GCNT2: variants seen among roughly 807,000 people sequenced by gnomAD.
GCNT2 encodes glucosaminyl (N-acetyl) transferase 2 (I blood group), also known as N-acetyllactosaminide beta-1,6-N-acetylglucosaminyl-transferase.
A neutral mutation model predicts 34.2 loss-of-function variants in GCNT2; 34 were observed. The observed-to-expected ratio is 1.00, with a 90% CI of 0.76 to 1.32. The LOEUF is 1.32. GCNT2 is among the 40% of genes most tolerant of loss of function. The pLI, the probability that GCNT2 is intolerant of heterozygous loss-of-function variation, is 0.00. For synonymous variants in GCNT2, 212 were observed against 188.0 expected (o/e 1.13, Z -1.04); for missense variants, 584 against 489.4 (o/e 1.19, Z -1.82).
Position 10,531,040 on chromosome 6 carries a change from C to CAAAAA in GCNT2, c.925+1217_925+1221dup, listed in dbSNP as rs568195630. On this transcript the variant is annotated intron_variant, in intron 3 of 4. Transcript: ENST00000495262. Reference sequence around the variant, plus strand: ...TCGCACTCCAGCGGAGACTCTGTCTCAAAAAAAAAAAAAAAAAGATTTCTA... The same window carrying CAAAAA: ...TCGCACTCCAGCGGAGACTCTGTCTCAAAAAAAAAAAAAAAAAAAAAAGATTTCTA... Among the ~76,000 whole-genome samples, 144 of 95,784 alleles carry CAAAAA rather than the reference C, an allele frequency of 1.5e-3. 1 individual carries two copies. Among genetic ancestry groups the CAAAAA allele is most frequent in the Middle Eastern group, 5.6e-3 (1 of 180 alleles). The allele number at this position is 95,784 out of a possible 152,430, so 62.8% of individuals were successfully genotyped here. A position where few individuals can be genotyped will look rare whatever the true frequency, so the allele number is the denominator to read the frequency against.
At chr6:10,522,425 G>A (rs891786283) in intron 1 of GCNT2, among the ~76,000 whole-genome samples, 1 of 152,128 alleles carries the variant, frequency 6.6e-6, no homozygotes, top group African/African-American at 2.4e-5. Context: ...TTAAATGTAG[G>A]CCTTTGAGAG....
intron 3 of GCNT2, among the ~76,000 whole-genome samples, chr6:10,536,322 T>G (rs1761747909): frequency 6.6e-6 from 1 of 152,124 alleles, no homozygotes; most frequent in African/African-American, 2.4e-5. Context: ...AATCTCTGTT[T>G]TTTTATATCT....
intron 3 of GCNT2, among the ~76,000 whole-genome samples, chr6:10,560,344 G>T (rs571605396): frequency 1.3e-5 from 2 of 152,220 alleles, no homozygotes; most frequent in African/African-American, 4.8e-5. Flanking sequence ...GCCCACCTCG[G>T]CCTCCCAAAG....
chr6:10,608,086 T>C (rs1765401503), intron 3 of GCNT2, among the ~76,000 whole-genome samples: 1 of 150,954 alleles, frequency 6.6e-6, no homozygotes, highest in South Asian at 2.1e-4. Flanking sequence ...TTTTTTTTTT[T>C]TTTTTTTTGA....
chr6:10,597,632 TG>T (rs1172360192), intron 3 of GCNT2, among the ~76,000 whole-genome samples: 1 of 152,070 alleles, frequency 6.6e-6, no homozygotes, highest in Non-Finnish European at 1.5e-5. Flanking sequence ...GTTGTTGTTT[TG>T]CTTTTTTTGT....
rs111918716 is a variant in GCNT2 at position 10,571,643 on chromosome 6, G to A, written c.925+41807G>A. On this transcript the variant is annotated intron_variant, in intron 3 of 4. Coordinates refer to ENST00000495262, the MANE Select transcript of GCNT2 (RefSeq NM_145649.5). ...GCTGGGATTACAGGTGTGTGCCACC[G>A]CACCAAGCCCTATAGTAGAAATTAT... is the stretch of plus-strand genomic sequence containing the variant. 1.6e-3 allele frequency among the ~76,000 whole-genome samples: 251 copies of A among 152,184 alleles called. 2 individuals carry two copies. Among genetic ancestry groups the A allele is most frequent in the African/African-American group, 5.7e-3 (238 of 41,532 alleles).
intron 3 of GCNT2, 72 bp from the exon 4 acceptor site, chr6:10,621,279 G>C (rs957114809): frequency 3.2e-6 from 3 of 951,194 alleles, no homozygotes; most frequent in African/African-American, 3.2e-5. Context: ...TGACTTAGAG[G>C]CTTAATTGAT....
At position 10,575,424 on chromosome 6, in the gene GCNT2, C is replaced by T. The variant is rs573545140; in HGVS notation, c.925+45588C>T. ...TCCTCCAGGCTGGAGTGCAATGGCG[C>T]GTTCTCAGCTCACTGCATCCTCCGA... On this transcript the variant is annotated intron_variant, in intron 3 of 4. Transcript: ENST00000495262. 8.7e-5 allele frequency among the ~76,000 whole-genome samples: 13 copies of T among 149,246 alleles called. No individual in the cohort carries two copies. The South Asian group carries it at 2.8e-3, about 32-fold the overall frequency.
At chr6:10,614,644 A>AAAAAAAAAAAAG (rs1214651898) in intron 3 of GCNT2, among the ~76,000 whole-genome samples, 22 of 143,936 alleles carry the variant, frequency 1.5e-4, no homozygotes, top group African/African-American at 5.9e-4. Flanking sequence ...AAAAAAAAAA[A>AAAAAAAAAAAAG]AGAGAAAAAG....
chr6:10,551,711 G>A (rs1163275439), intron 3 of GCNT2, among the ~76,000 whole-genome samples: 2 of 151,638 alleles, frequency 1.3e-5, no homozygotes, highest in Admixed American at 1.3e-4. Context: ...CCAAAGTGCT[G>A]GGATTACGGG....
Position 10,556,711 on chromosome 6 carries a change from A to G in GCNT2, c.925+26875A>G, listed in dbSNP as rs1397500561. 4 of 1,614,104 alleles carry G rather than the reference A, an allele frequency of 2.5e-6. No homozygotes were observed. The African/African-American group carries it at 5.3e-5, about 22-fold the overall frequency. On this transcript the variant is annotated intron_variant, in intron 3 of 4. Coordinates refer to ENST00000495262, the MANE Select transcript of GCNT2 (RefSeq NM_145649.5). ...AGGAAGAAGCTGACTTTCCCTTGGC[A>G]TATATAATGGTCATCCATCATCACT...
At chr6:10,560,004 G>T (rs1156738143) in intron 3 of GCNT2, among the ~76,000 whole-genome samples, 1 of 152,094 alleles carries the variant, frequency 6.6e-6, no homozygotes, top group Non-Finnish European at 1.5e-5. Flanking sequence ...AACTCCCATG[G>T]TTTTACACTT....
At chr6:10,560,368 G>A (rs1185158127) in intron 3 of GCNT2, among the ~76,000 whole-genome samples, 2 of 152,190 alleles carry the variant, frequency 1.3e-5, no homozygotes, top group African/African-American at 4.8e-5. Context: ...TGGGATTACA[G>A]GCATGAGCCA....
At chr6:10,524,488 T>A (rs1404608716) in intron 1 of GCNT2, among the ~76,000 whole-genome samples, 1 of 152,134 alleles carries the variant, frequency 6.6e-6, no homozygotes, top group African/African-American at 2.4e-5. Context: ...AATCCAGGGC[T>A]CTTTTTAACC....
At chr6:10,532,695 C>G (rs1761552862) in intron 3 of GCNT2, among the ~76,000 whole-genome samples, 2 of 152,160 alleles carry the variant, frequency 1.3e-5, no homozygotes, top group African/African-American at 2.4e-5. Flanking sequence ...TCTTGAACTC[C>G]TGGGCCCAAG....
chr6:10,546,835 T>C (rs956751397), intron 3 of GCNT2, among the ~76,000 whole-genome samples: 1 of 152,166 alleles, frequency 6.6e-6, no homozygotes, highest in Non-Finnish European at 1.5e-5. Flanking sequence ...ATAAAACATG[T>C]CCATACTTCT....
intron 4 of GCNT2, chr6:10,621,710 GCTTT>G (rs1221199731): frequency 3.8e-5 from 16 of 416,274 alleles, no homozygotes; most frequent in Non-Finnish European, 6.3e-5. Context: ...CTAGTTTTCA[GCTTT>G]CTTTCTTTCT....
At chr6:10,608,394 G>C (rs749081733) in intron 3 of GCNT2, among the ~76,000 whole-genome samples, 3 of 152,082 alleles carry the variant, frequency 2.0e-5, no homozygotes, top group Non-Finnish European at 4.4e-5. Flanking sequence ...ACATTTTTAA[G>C]GCTTTTAATC....
intron 3 of GCNT2, chr6:10,582,004 TTATGTGTA>T (rs1764088260): frequency 4.3e-6 from 1 of 234,604 alleles, no homozygotes; most frequent in Admixed American, 6.9e-5. Flanking sequence ...ATAAATATAT[TTATGTGTA>T]TATATGTATA....
Sources: allele counts gnomAD v4.1 joint callset (sites outside exome capture counted in the v4.1 genomes callset), GRCh38; gene constraint gnomAD v4.1.1; transcripts MANE v1.5; gene names NCBI Gene and HGNC (gene_info 2026-07-23, HGNC 2026-07-21).